CHST15: variants seen among roughly 807,000 people sequenced by gnomAD.
CHST15 encodes the protein carbohydrate sulfotransferase 15.
CHST15 carries 30 observed loss-of-function variants against 53.6 expected under a neutral mutation model. The ratio of observed to expected loss-of-function variants is 0.56; its 90% confidence interval spans 0.42 to 0.76. The LOEUF (loss-of-function observed/expected upper bound fraction) is 0.76, where lower values mean the gene tolerates loss of function less well. Among genes scored for constraint, CHST15 ranks in the 30% least tolerant of loss-of-function variants. The pLI is 0.00. For synonymous variants in CHST15, 296 were observed against 289.8 expected (o/e 1.02, Z -0.22); for missense variants, 627 against 740.5 (o/e 0.85, Z 1.78).
At chr10:124,091,307 A>AG (rs780641355) in intron 1 of CHST15, among the ~76,000 whole-genome samples, 1 of 152,156 alleles carries the variant, frequency 6.6e-6, no homozygotes, top group Non-Finnish European at 1.5e-5. Flanking sequence ...TCTGGAAGGG[A>AG]GGGTTCCTGA....
At position 124,007,751 on chromosome 10, in the gene CHST15, C is replaced by T. The variant is rs904021681; in HGVS notation, c.*2398G>A. Reference sequence around the variant, plus strand: ...ATTATGTTAAATATTAATAAAAGTACAGCGTAACTGCGATTCACTTAACAT... The same window carrying T: ...ATTATGTTAAATATTAATAAAAGTATAGCGTAACTGCGATTCACTTAACAT... On this transcript the variant is annotated 3_prime_UTR_variant, in exon 8 of 8. Coordinates refer to ENST00000435907, the MANE Select transcript of CHST15 (RefSeq NM_001270764.2). 3 of 1,230,532 alleles carry T rather than the reference C, an allele frequency of 2.4e-6. No homozygotes were observed. The highest frequency in any genetic ancestry group is 4.2e-5 in the Admixed American group (1 of 23,694). The allele number at this position is 1,230,532 out of a possible 1,614,324, so 76.2% of individuals were successfully genotyped here. A position where few individuals can be genotyped will look rare whatever the true frequency, so the allele number is the denominator to read the frequency against.
At chr10:124,033,832 A>G (rs1201481830) in intron 5 of CHST15, among the ~76,000 whole-genome samples, 1 of 152,210 alleles carries the variant, frequency 6.6e-6, no homozygotes, top group Non-Finnish European at 1.5e-5. Flanking sequence ...GATGACAGCT[A>G]GGTCACAGCC....
chr10:124,044,817 A>G lies in CHST15; in HGVS notation c.649T>C (p.Ser217Pro), dbSNP rs986607169. 2 of 1,588,092 alleles carry G rather than the reference A, an allele frequency of 1.3e-6. No individual in the cohort carries two copies. The highest frequency in any genetic ancestry group is 2.3e-5 in the East Asian group (1 of 43,554). ...AAGCGCTTGGAGTAGAGCACGTAGG[A>G]GTTGGTGAGGTAGGGGTCGGTGGTG... Reference protein sequence around the residue: ...QNTTDPYLTNSYVLYSKRFRS... With the variant: ...QNTTDPYLTNPYVLYSKRFRS... Residue 217 changes from serine (S) to proline (P), a missense_variant, in exon 3 of 8, where the codon TCC becomes CCC. Transcript: ENST00000435907.
At chr10:124,029,714 C>G (rs1947149165) in intron 5 of CHST15, among the ~76,000 whole-genome samples, 1 of 152,234 alleles carries the variant, frequency 6.6e-6, no homozygotes, top group South Asian at 2.1e-4. Context: ...GGTTATAAAG[C>G]CAGGCGCAGG....
intron 4 of CHST15, 126 bp downstream of exon 4, chr10:124,042,173 GGC>G: frequency 9.5e-6 from 8 of 839,714 alleles, no homozygotes; most frequent in Admixed American, 4.7e-5. Flanking sequence ...GAGAAGTGGA[GGC>G]TCAAAAGAAG....
intron 5 of CHST15, among the ~76,000 whole-genome samples, chr10:124,034,036 C>G (rs1947327170): frequency 6.6e-6 from 1 of 152,218 alleles, no homozygotes; most frequent in South Asian, 2.1e-4. Context: ...CCCTCAGCAC[C>G]AGGACATGAG....
At chr10:124,028,393 T>C (rs1947093637) in intron 5 of CHST15, among the ~76,000 whole-genome samples, 1 of 152,228 alleles carries the variant, frequency 6.6e-6, no homozygotes, top group South Asian at 2.1e-4. Context: ...GCCACTAGTT[T>C]GGGAAAACCT....
intron 5 of CHST15, among the ~76,000 whole-genome samples, chr10:124,037,117 T>A (rs1448409497): frequency 6.6e-6 from 1 of 152,168 alleles, no homozygotes; most frequent in African/African-American, 2.4e-5. Flanking sequence ...AGAGGCATGC[T>A]CCCTGTGTCT....
intron 1 of CHST15, among the ~76,000 whole-genome samples, chr10:124,057,594 G>T (rs1449363589): frequency 1.3e-5 from 2 of 152,094 alleles, no homozygotes; most frequent in African/African-American, 2.4e-5. Flanking sequence ...GACTCCAGAG[G>T]CTCCAGAAAA....
chr10:124,008,749 C>T lies in CHST15; in HGVS notation c.*1400G>A, dbSNP rs1343077201. Reference sequence around the variant, plus strand: ...TGGCTTTGGTGGGCGAGACCTTGGCCTGAGAACTTTGGTTCACAGGAAGCT... The same window carrying T: ...TGGCTTTGGTGGGCGAGACCTTGGCTTGAGAACTTTGGTTCACAGGAAGCT... On this transcript the variant is annotated 3_prime_UTR_variant, in exon 8 of 8. Coordinates refer to ENST00000435907, the MANE Select transcript of CHST15 (RefSeq NM_001270764.2). 8.6e-7 allele frequency: 1 copy of T among 1,159,724 alleles called. No individual in the cohort carries two copies. The highest frequency in any genetic ancestry group is 1.1e-6 in the Non-Finnish European group (1 of 922,398). 71.8% of individuals were successfully genotyped at this position (1,159,724 alleles called of 1,614,324 possible). A position where few individuals can be genotyped will look rare whatever the true frequency, so the allele number is the denominator to read the frequency against.
chr10:124,037,082 T>G (rs897974177), intron 5 of CHST15, among the ~76,000 whole-genome samples: 3 of 152,154 alleles, frequency 2.0e-5, no homozygotes, highest in Admixed American at 1.3e-4. Flanking sequence ...CCTTGGCTGG[T>G]GGCAGCATCA....
chr10:124,060,055 C>T (rs370792950), intron 1 of CHST15, among the ~76,000 whole-genome samples: 9 of 152,298 alleles, frequency 5.9e-5, no homozygotes, highest in African/African-American at 2.2e-4. Flanking sequence ...AGCTCCAGTA[C>T]CAACCCAGCT....
intron 5 of CHST15, among the ~76,000 whole-genome samples, chr10:124,033,934 T>G (rs547248379): frequency 5.3e-5 from 8 of 152,228 alleles, no homozygotes; most frequent in African/African-American, 1.9e-4. Flanking sequence ...TTTGGCAAAC[T>G]TTTTCCGCAG....
At chr10:124,093,316 C>G (rs1949665018) in intron 1 of CHST15, among the ~76,000 whole-genome samples, 153 bp downstream of exon 1, 1 of 151,450 alleles carries the variant, frequency 6.6e-6, no homozygotes, top group African/African-American at 2.4e-5. Flanking sequence ...GCGCCGCCTC[C>G]GCCGGCCCGG....
chr10:124,064,523 ACAC>A (rs1948691409), intron 1 of CHST15, among the ~76,000 whole-genome samples: 1 of 152,012 alleles, frequency 6.6e-6, no homozygotes, highest in Non-Finnish European at 1.5e-5. Context: ...GGCCCGGGAG[ACAC>A]CACGAGATCA....
chr10:124,084,786 G>T (rs114667170), intron 1 of CHST15, among the ~76,000 whole-genome samples: 1 of 152,158 alleles, frequency 6.6e-6, no homozygotes, highest in Non-Finnish European at 1.5e-5. Context: ...GTCTGGTTAC[G>T]TGACACAGAG....
At chr10:124,044,966 C>A in intron 2 of CHST15, 47 bp from the exon 3 acceptor site, 1 of 1,327,770 alleles carries the variant, frequency 7.5e-7, no homozygotes, top group Non-Finnish European at 9.9e-7. Flanking sequence ...GGAAAATGAG[C>A]AAAGACACAA....
intron 7 of CHST15, chr10:124,010,802 C>G (rs2133813248): frequency 1.0e-6 from 1 of 985,442 alleles, no homozygotes; most frequent in Non-Finnish European, 1.2e-6. Flanking sequence ...GGTCCCTGGG[C>G]CTGCACAGTT....
At chr10:124,076,497 G>A (rs1485259781) in intron 1 of CHST15, among the ~76,000 whole-genome samples, 1 of 152,116 alleles carries the variant, frequency 6.6e-6, no homozygotes. Context: ...ACCCCTCCCA[G>A]CACACCAAGG....
Sources: allele counts gnomAD v4.1 joint callset (sites outside exome capture counted in the v4.1 genomes callset), GRCh38; gene constraint gnomAD v4.1.1; transcripts MANE v1.5; gene names NCBI Gene and HGNC (gene_info 2026-07-23, HGNC 2026-07-21).